The following CSMD1 variants were observed in gnomAD, a reference collection of about 807,000 sequenced individuals.
The protein encoded by CSMD1 is CUB and sushi domain-containing protein 1.
Under a neutral mutation model 417.5 loss-of-function variants are expected in CSMD1, and 213 were observed. The ratio of observed to expected loss-of-function variants is 0.51; its 90% confidence interval spans 0.46 to 0.57. The LOEUF (loss-of-function observed/expected upper bound fraction) is 0.57. CSMD1 is among the 20% of genes least tolerant of loss of function. CSMD1 has a pLI of 0.00. For synonymous variants in CSMD1, 2,862 were observed against 1,736.8 expected (o/e 1.65, Z -16.11); for missense variants, 6,923 against 4,529.7 (o/e 1.53, Z -15.17).
chr8:3,714,634 G>A (rs1801725131), intron 6 of CSMD1, among the ~76,000 whole-genome samples: 1 of 148,494 alleles, frequency 6.7e-6, no homozygotes, highest in Non-Finnish European at 1.5e-5. Context: ...CTAGTTGGGA[G>A]GCTGAGGAAC....
At chr8:4,200,165 C>G (rs550467179) in intron 3 of CSMD1, among the ~76,000 whole-genome samples, 1 of 152,078 alleles carries the variant, frequency 6.6e-6, no homozygotes, top group Non-Finnish European at 1.5e-5. Flanking sequence ...ATTGCAAAAG[C>G]TCCTTTTTAA....
At chr8:3,994,871 G>A (rs150897490) in intron 5 of CSMD1, among the ~76,000 whole-genome samples, 1 of 152,114 alleles carries the variant, frequency 6.6e-6, no homozygotes, top group Non-Finnish European at 1.5e-5. Flanking sequence ...CTTCTTCTGA[G>A]AGTGCCCTTG....
intron 7 of CSMD1, among the ~76,000 whole-genome samples, chr8:3,659,270 C>T (rs1905100): frequency 0.2 from 30,136 of 152,014 alleles, 3,101 homozygotes; most frequent in East Asian, 0.36. Flanking sequence ...ACAAAGACTA[C>T]CAAATTGCAG....
chr8:3,018,027 A>C (rs1188978746), intron 52 of CSMD1, among the ~76,000 whole-genome samples: 2 of 152,220 alleles, frequency 1.3e-5, no homozygotes, highest in African/African-American at 4.8e-5. Context: ...ATTATGCAGA[A>C]TATTTTAAGT....
intron 1 of CSMD1, among the ~76,000 whole-genome samples, chr8:4,968,402 A>C (rs1312673786): frequency 2.0e-5 from 3 of 152,148 alleles, no homozygotes; most frequent in Admixed American, 2.0e-4. Context: ...TAACTGTTAA[A>C]AAAAAATAAC....
rs182304025 is a variant in CSMD1, at chr8:3,647,461, G to C, written c.1010-30664C>G. Among the ~76,000 whole-genome samples, 7 of 152,218 alleles carry C rather than the reference G, an allele frequency of 4.6e-5. No individual in the cohort carries two copies. In the East Asian group the frequency reaches 5.8e-4, roughly 13 times the overall value. On this transcript the variant is annotated intron_variant, in intron 7 of 69. Transcript: ENST00000635120. ...ACAGTACATAGAGAAATACAGCATA[G>C]AGAAAAATACAGCATAAAAAGAAAT...
intron 26 of CSMD1, among the ~76,000 whole-genome samples, chr8:3,246,346 A>G (rs1799878637): frequency 6.6e-6 from 1 of 152,150 alleles, no homozygotes; most frequent in Non-Finnish European, 1.5e-5. Context: ...GGTCTTTGCA[A>G]AAATCCTTAT....
chr8:4,724,538 G>C (rs867893154), intron 1 of CSMD1, among the ~76,000 whole-genome samples: 2 of 150,700 alleles, frequency 1.3e-5, no homozygotes, highest in African/African-American at 2.5e-5. Context: ...GTGTGTGTGT[G>C]TGTGTGTGTG....
chr8:3,571,216 T>A (rs1193734601), intron 10 of CSMD1, among the ~76,000 whole-genome samples: 3 of 152,204 alleles, frequency 2.0e-5, no homozygotes, highest in African/African-American at 7.2e-5. Flanking sequence ...GCTTTCTGCA[T>A]GCTGTCATCC....
At chr8:3,405,936 G>T in intron 15 of CSMD1, 91 bp downstream of exon 15, 1 of 1,237,568 alleles carries the variant, frequency 8.1e-7, no homozygotes, top group Non-Finnish European at 1.1e-6. Context: ...GGCAGCCCTA[G>T]CAAGCTAACA....
intron 8 of CSMD1, among the ~76,000 whole-genome samples, chr8:3,591,751 G>C (rs549423904): frequency 2.8e-4 from 42 of 150,226 alleles, no homozygotes; most frequent in African/African-American, 9.2e-4. Context: ...GATAAACGGA[G>C]AGACAGATGA....
chr8:2,999,843 G>A lies in CSMD1; in HGVS notation c.8203+115C>T, dbSNP rs556170530. On this transcript the variant is annotated intron_variant, in intron 53 of 69. Coordinates refer to ENST00000635120, the MANE Select transcript of CSMD1 (RefSeq NM_033225.6). Reference sequence around the variant, plus strand: ...TTTCTTTGTATAGGCAAAACTGAAAGTTTGCTGTTCCCTTTTACAGTGAAG... The same window carrying A: ...TTTCTTTGTATAGGCAAAACTGAAAATTTGCTGTTCCCTTTTACAGTGAAG... The A allele has an allele frequency of 3.3e-6, 3 of 907,852 alleles. No homozygotes were observed. The African/African-American group carries it at 5.1e-5, about 16-fold the overall frequency. The allele number at this position is 907,852 out of a possible 1,614,324, so 56.2% of individuals were successfully genotyped here.
intron 5 of CSMD1, among the ~76,000 whole-genome samples, chr8:3,956,578 T>C (rs1471692130): frequency 6.6e-6 from 1 of 152,220 alleles, no homozygotes; most frequent in South Asian, 2.1e-4. Flanking sequence ...TCAAATACTG[T>C]GCCCCATGTT....
intron 2 of CSMD1, among the ~76,000 whole-genome samples, chr8:4,514,079 A>G (rs926779845): frequency 1.3e-5 from 2 of 152,056 alleles, no homozygotes; most frequent in Admixed American, 1.3e-4. Context: ...TTATTTTATT[A>G]TTATTATTAT....
intron 32 of CSMD1, among the ~76,000 whole-genome samples, chr8:3,200,767 T>C (rs575400427): frequency 3.3e-5 from 5 of 152,018 alleles, no homozygotes; most frequent in Admixed American, 1.3e-4. Context: ...TGGTAGAAAA[T>C]AACAAAACAT....
At chr8:4,114,624 G>C (rs1802036247) in intron 3 of CSMD1, among the ~76,000 whole-genome samples, 1 of 152,126 alleles carries the variant, frequency 6.6e-6, no homozygotes, top group African/African-American at 2.4e-5. Context: ...AAAATAAATT[G>C]AAAAACCTTC....
intron 23 of CSMD1, among the ~76,000 whole-genome samples, chr8:3,310,479 G>C (rs1303629914): frequency 1.3e-5 from 2 of 152,166 alleles, no homozygotes; most frequent in Non-Finnish European, 2.9e-5. Context: ...GCCACACTTG[G>C]AGTCCACCTC....
At chr8:4,173,476 G>C (rs1037214074) in intron 3 of CSMD1, among the ~76,000 whole-genome samples, 15 of 152,074 alleles carry the variant, frequency 9.9e-5, no homozygotes, top group Admixed American at 5.9e-4. Context: ...TAGTAAGTTG[G>C]ATCTAGAGAC....
chr8:3,373,165 C>T (rs1032659506), intron 18 of CSMD1, among the ~76,000 whole-genome samples: 1 of 152,154 alleles, frequency 6.6e-6, no homozygotes, highest in Non-Finnish European at 1.5e-5. Context: ...CTATGTTTAA[C>T]AGTATAAAAA....
Sources: gnomAD v4.1 joint callset for allele counts (sites outside exome capture counted in the v4.1 genomes callset) on GRCh38, gnomAD v4.1.1 for gene constraint, MANE v1.5 for transcripts, NCBI Gene and HGNC (gene_info 2026-07-23, HGNC 2026-07-21) for gene names.